CLMN: variants seen among roughly 807,000 people sequenced by gnomAD.
CLMN encodes calmin (calponin-like, transmembrane).
A neutral mutation model predicts 92.7 loss-of-function variants in CLMN; 57 were observed. The ratio of observed to expected loss-of-function variants is 0.61; its 90% confidence interval spans 0.50 to 0.77. The LOEUF (loss-of-function observed/expected upper bound fraction) is 0.77, where lower values mean the gene tolerates loss of function less well. Among genes scored for constraint, CLMN ranks in the 30% least tolerant of loss-of-function variants. The probability of loss-of-function intolerance (pLI) is 0.00; values close to 1 mark genes in which losing one functional copy is unlikely to be tolerated. For synonymous variants in CLMN, 466 were observed against 470.6 expected (o/e 0.99, Z 0.13); for missense variants, 1,158 against 1,237.5 (o/e 0.94, Z 0.96).
rs1021204988 is a variant in CLMN at position 95,183,016 on chromosome 14, C to A, written c.*8548G>T. ...CTTTGGGCTGATATACAGAGGTACACTTGCTTTAAGCAAATAGGCCACTTA... is the reference window on the plus strand; with the variant it reads ...CTTTGGGCTGATATACAGAGGTACAATTGCTTTAAGCAAATAGGCCACTTA... On this transcript the variant is annotated 3_prime_UTR_variant, in exon 13 of 13. Coordinates refer to ENST00000298912, the MANE Select transcript of CLMN (RefSeq NM_024734.4). 1 of 152,238 alleles carries A rather than the reference C, an allele frequency of 6.6e-6. No individual in the cohort carries two copies. Among genetic ancestry groups the A allele is most frequent in the South Asian group, 2.1e-4 (1 of 4,834 alleles). 9.4% of individuals were successfully genotyped at this position (152,238 alleles called of 1,614,324 possible). A position where few individuals can be genotyped will look rare whatever the true frequency, so the allele number is the denominator to read the frequency against.
chr14:95,230,918 C>T (rs889193573), intron 1 of CLMN, among the ~76,000 whole-genome samples: 4 of 152,240 alleles, frequency 2.6e-5, no homozygotes, highest in African/African-American at 9.6e-5. Context: ...GGAATGGACC[C>T]CTTCTCCCAG....
chr14:95,310,723 G>A (rs1200839280), intron 1 of CLMN, among the ~76,000 whole-genome samples: 1 of 152,188 alleles, frequency 6.6e-6, no homozygotes, highest in African/African-American at 2.4e-5. Context: ...TTCTGTCCAG[G>A]AGGGCACACA....
chr14:95,291,866 C>A (rs976370151), intron 1 of CLMN, among the ~76,000 whole-genome samples: 3 of 152,038 alleles, frequency 2.0e-5, no homozygotes, highest in Non-Finnish European at 2.9e-5. Context: ...TGCTGGTTAC[C>A]CAACATTTAA....
Position 95,209,390 on chromosome 14 carries a change from C to A in CLMN, c.885+5G>T. 2 of 1,613,816 alleles carry A rather than the reference C, an allele frequency of 1.2e-6. No homozygotes were observed. The highest frequency in any genetic ancestry group is 1.7e-6 in the Non-Finnish European group (2 of 1,179,740). On this transcript the variant is annotated splice_donor_5th_base_variant and intron_variant, in intron 8 of 12. Coordinates refer to ENST00000298912, the MANE Select transcript of CLMN (RefSeq NM_024734.4). ...CGGAATTAAAGGTAAGAAAAGCAAA[C>A]ATACGGCTTCCAACTCCGGAAAACG...
In CLMN at chr14:95,194,672, C is replaced by A. The variant is rs1432578427; in HGVS notation, c.2709-76G>T. On this transcript the variant is annotated intron_variant, in intron 10 of 12. Coordinates refer to ENST00000298912, the MANE Select transcript of CLMN (RefSeq NM_024734.4). This position sits in a 1 kb window ranked among gnomAD's most constrained non-coding sequence, Gnocchi z 4.0. ...GCTCAGTTGTACGGTCACCCCCATC[C>A]TGGGGTTTCCACGTATGGGTTTAGG... 7.1e-7 allele frequency: 1 copy of A among 1,403,900 alleles called. No homozygotes were observed. Among genetic ancestry groups the A allele is most frequent in the Non-Finnish European group, 1.0e-6 (1 of 989,170 alleles). 87.0% of individuals were successfully genotyped at this position (1,403,900 alleles called of 1,614,324 possible). A position where few individuals can be genotyped will look rare whatever the true frequency, so the allele number is the denominator to read the frequency against.
chr14:95,207,116 A>G (rs1469637563), intron 8 of CLMN, among the ~76,000 whole-genome samples: 1 of 152,196 alleles, frequency 6.6e-6, no homozygotes, highest in Non-Finnish European at 1.5e-5. Flanking sequence ...ATAATTGTAT[A>G]TATTTATGGA....
chr14:95,204,167 C>G lies in CLMN; in HGVS notation c.1182G>C (p.Lys394Asn). 2 of 1,614,142 alleles carry G rather than the reference C, an allele frequency of 1.2e-6. No individual in the cohort carries two copies. Among genetic ancestry groups the G allele is most frequent in the Non-Finnish European group, 1.7e-6 (2 of 1,180,020 alleles). Residue 394 changes from lysine (K) to asparagine (N), a missense_variant, in exon 9 of 13, where the codon AAG becomes AAC. Transcript: ENST00000298912. The part of the protein sequence containing the change: ...IDQVLQGGPG[K>N]TSDISEPSPE... ...GAGATGGCTCACTGATGTCGCTGGT[C>G]TTACCTGGGCCCCCTTGCAGGACCT...
intron 1 of CLMN, among the ~76,000 whole-genome samples, chr14:95,231,617 C>T (rs950003799): frequency 3.9e-5 from 6 of 152,206 alleles, no homozygotes; most frequent in African/African-American, 1.4e-4. Flanking sequence ...CCTTACAACA[C>T]CCCTGCAAAG....
chr14:95,258,403 C>T (rs1365212339), intron 1 of CLMN, among the ~76,000 whole-genome samples: 1 of 129,538 alleles, frequency 7.7e-6, no homozygotes, highest in Non-Finnish European at 1.6e-5. Flanking sequence ...TGTGTGTGAT[C>T]TGTGTGGTGT....
At chr14:95,234,922 GC>G (rs1447980752) in intron 1 of CLMN, among the ~76,000 whole-genome samples, 11 of 152,228 alleles carry the variant, frequency 7.2e-5, no homozygotes, top group Admixed American at 3.3e-4. Flanking sequence ...GTCCACATTT[GC>G]CCCAAATCTA....
At chr14:95,316,294 G>C (rs1901766704) in intron 1 of CLMN, among the ~76,000 whole-genome samples, 1 of 152,230 alleles carries the variant, frequency 6.6e-6, no homozygotes, top group Admixed American at 6.5e-5. Flanking sequence ...TCAACAGCTT[G>C]GACCACCCCT....
intron 1 of CLMN, among the ~76,000 whole-genome samples, chr14:95,318,733 A>C (rs1018715921): frequency 5.3e-5 from 8 of 152,096 alleles, no homozygotes; most frequent in Non-Finnish European, 8.8e-5. Flanking sequence ...TGCACAGGTC[A>C]ATGTGGGTGA....
At chr14:95,295,666 C>T (rs11849418) in intron 1 of CLMN, among the ~76,000 whole-genome samples, 4 of 152,330 alleles carry the variant, frequency 2.6e-5, no homozygotes, top group African/African-American at 9.6e-5. Flanking sequence ...GTGGGAGAGG[C>T]CCGTTGGGAC....
intron 8 of CLMN, among the ~76,000 whole-genome samples, chr14:95,206,941 A>G (rs1431100456): frequency 6.6e-6 from 1 of 150,864 alleles, no homozygotes; most frequent in African/African-American, 2.4e-5. Flanking sequence ...GAATTGCAAA[A>G]TAATAATCAC....
chr14:95,194,016 G>A lies in CLMN; in HGVS notation c.2770-97C>T, dbSNP rs540811827. On this transcript the variant is annotated intron_variant, in intron 11 of 12. Transcript: ENST00000298912. The surrounding 1 kb of genome is among the most constrained non-coding windows in gnomAD (Gnocchi z 4.0). ...AAAACGATTTTAAACACACAAAGCC[G>A]AGCATGCCGGGCATTTCTCAATACC... 3.9e-6 allele frequency: 6 copies of A among 1,540,960 alleles called. No individual in the cohort carries two copies. In the East Asian group the frequency reaches 9.5e-5, roughly 24 times the overall value.
intron 1 of CLMN, among the ~76,000 whole-genome samples, chr14:95,254,776 C>T (rs942697989): frequency 6.6e-6 from 1 of 152,182 alleles, no homozygotes; most frequent in African/African-American, 2.4e-5. Flanking sequence ...CGGCTCACTG[C>T]AGCCTCAACT....
chr14:95,225,987 T>C (rs560763325), intron 2 of CLMN, among the ~76,000 whole-genome samples: 2 of 152,292 alleles, frequency 1.3e-5, no homozygotes, highest in South Asian at 4.1e-4. Flanking sequence ...GCAAACTCTG[T>C]TCCCCGGAAC....
intron 1 of CLMN, among the ~76,000 whole-genome samples, chr14:95,230,662 CG>C (rs1439239354): frequency 5.9e-5 from 9 of 152,166 alleles, no homozygotes; most frequent in African/African-American, 2.2e-4. Context: ...TTTGTGTGCC[CG>C]GGCCAGACCC....
chr14:95,204,474 AAAC>A lies in CLMN; in HGVS notation c.886-14_886-12del, dbSNP rs1014939591. 5 of 1,545,824 alleles carry A rather than the reference AAAC, an allele frequency of 3.2e-6. No homozygotes were observed. The African/African-American group carries it at 4.2e-5, about 13-fold the overall frequency. On this transcript the variant is annotated splice_polypyrimidine_tract_variant and intron_variant, in intron 8 of 12. Transcript: ENST00000298912. ...ATCGAAAATATCTTCCTGCAAAAAAAAACAAAAACAAACAAACAAAAAAAAACA... is the reference window on the plus strand; with the variant it reads ...ATCGAAAATATCTTCCTGCAAAAAAAAAAAACAAACAAACAAAAAAAAACA...
Sources: gnomAD v4.1 joint callset for allele counts (sites outside exome capture counted in the v4.1 genomes callset) on GRCh38, gnomAD v4.1.1 for gene constraint, Gnocchi (gnomAD v3.1) non-coding constraint, MANE v1.5 for transcripts, NCBI Gene and HGNC (gene_info 2026-07-23, HGNC 2026-07-21) for gene names.